The following KANSL3 variants were observed in gnomAD, a reference collection of about 807,000 sequenced individuals.
The protein encoded by KANSL3 is NSL complex protein NSL3.
KANSL3 carries 16 observed loss-of-function variants against 89.2 expected under a neutral mutation model. That is an observed-to-expected ratio of 0.18 (90% CI 0.12 to 0.27). The LOEUF is 0.27. KANSL3 is among the 10% of genes least tolerant of loss of function. The probability of loss-of-function intolerance (pLI) is 1.00; values close to 1 mark genes in which losing one functional copy is unlikely to be tolerated. For synonymous variants in KANSL3, 385 were observed against 419.7 expected (o/e 0.92, Z 1.01); for missense variants, 879 against 1,110.6 (o/e 0.79, Z 2.96).
chr2:96,607,674 C>G (rs950859393), intron 14 of KANSL3, among the ~76,000 whole-genome samples: 2 of 152,190 alleles, frequency 1.3e-5, no homozygotes, highest in African/African-American at 4.8e-5. Context: ...TAAGCAAACT[C>G]ACAAGAGGTC....
chr2:96,609,312 TC>T (rs571533094), intron 12 of KANSL3, among the ~76,000 whole-genome samples, 186 bp downstream of exon 12: 1 of 152,014 alleles, frequency 6.6e-6, no homozygotes, highest in African/African-American at 2.4e-5. Flanking sequence ...TCCAACACTC[TC>T]CCCCGTGATG....
chr2:96,583,904 A>C, the KANSL3 span, among the ~76,000 whole-genome samples: 1 of 152,214 alleles, frequency 6.6e-6, no homozygotes, highest in African/African-American at 2.4e-5. Context: ...AATTTTAGCC[A>C]TTCTAGTGAG....
chr2:96,634,913 G>A (rs1279227534), intron 2 of KANSL3, among the ~76,000 whole-genome samples: 1 of 152,158 alleles, frequency 6.6e-6, no homozygotes, highest in Non-Finnish European at 1.5e-5. Flanking sequence ...CCAGAAATCT[G>A]TCATCCTAAT....
intron 3 of KANSL3, chr2:96,627,882 T>C: frequency 7.8e-7 from 1 of 1,284,338 alleles, no homozygotes; most frequent in Non-Finnish European, 1.0e-6. Flanking sequence ...TAATAAGTTA[T>C]CATAAATAAT....
chr2:96,636,780 T>A, intron 2 of KANSL3, 141 bp downstream of exon 2: 1 of 687,514 alleles, frequency 1.5e-6, no homozygotes. Context: ...GCTATCCTTA[T>A]GCTGCTTAAG....
At chr2:96,623,378 C>G (rs555328985) in intron 3 of KANSL3, among the ~76,000 whole-genome samples, 28 of 152,276 alleles carry the variant, frequency 1.8e-4, no homozygotes, top group African/African-American at 6.3e-4. Context: ...CGTAAGAGAC[C>G]AGCATCCTTT....
intron 3 of KANSL3, among the ~76,000 whole-genome samples, chr2:96,630,211 A>G (rs2073133096): frequency 6.6e-6 from 1 of 152,216 alleles, no homozygotes; most frequent in Non-Finnish European, 1.5e-5. Flanking sequence ...CCACACAAAA[A>G]CTTGTATGCA....
chr2:96,593,496 G>C lies in KANSL3; in HGVS notation c.*2115C>G, dbSNP rs1479654528. On this transcript the variant is annotated 3_prime_UTR_variant, in exon 21 of 21. Coordinates refer to ENST00000431828, the MANE Select transcript of KANSL3 (RefSeq NM_001115016.3). Reference sequence around the variant, plus strand: ...GAAATATAGTTTGCGAAGGGAACTGGAAAACGTGACTCTAGGCCTCAGCCA... The same window carrying C: ...GAAATATAGTTTGCGAAGGGAACTGCAAAACGTGACTCTAGGCCTCAGCCA... 2.8e-6 allele frequency: 1 copy of C among 363,450 alleles called. No homozygotes were observed. Among genetic ancestry groups the C allele is most frequent in the East Asian group, 7.3e-5 (1 of 13,686 alleles). The allele number at this position is 363,450 out of a possible 1,614,324, so 22.5% of individuals were successfully genotyped here.
chr2:96,608,847 C>CT lies in KANSL3; in HGVS notation c.1584+16dup. On this transcript the variant is annotated intron_variant, in intron 13 of 20. Coordinates refer to ENST00000431828, the MANE Select transcript of KANSL3 (RefSeq NM_001115016.3). Reference sequence around the variant, plus strand: ...GCTGATTCCCCAGCAAAAGCGCTCCCTCCCTGCTCACACTACCTCTGAGCC... The same window carrying CT: ...GCTGATTCCCCAGCAAAAGCGCTCCCTTCCCTGCTCACACTACCTCTGAGCC... 6.4e-7 allele frequency: 1 copy of CT among 1,552,976 alleles called. No individual in the cohort carries two copies. The highest frequency in any genetic ancestry group is 1.2e-5 in the South Asian group (1 of 82,774).
Position 96,602,093 on chromosome 2 carries a change from C to T in KANSL3, c.2482+23G>A, listed in dbSNP as rs766645518. On this transcript the variant is annotated intron_variant, in intron 19 of 20. Transcript: ENST00000431828. ...GAAAGATCCCAGATCTGGGAGTCCCCACAGTTCTCATGAGAGACTCACCTG... is the reference window on the plus strand; with the variant it reads ...GAAAGATCCCAGATCTGGGAGTCCCTACAGTTCTCATGAGAGACTCACCTG... 5.2e-6 allele frequency: 8 copies of T among 1,547,192 alleles called. No homozygotes were observed. The Middle Eastern group carries it at 6.7e-4, about 130-fold the overall frequency.
chr2:96,633,568 CAA>C (rs749429125), intron 2 of KANSL3, among the ~76,000 whole-genome samples: 14 of 96,470 alleles, frequency 1.5e-4, no homozygotes, highest in East Asian at 3.1e-4. Flanking sequence ...GACTCTGTCT[CAA>C]AAAAAAAAAA....
chr2:96,619,231 C>A (rs2070787354), intron 5 of KANSL3, 128 bp downstream of exon 5: 8 of 771,614 alleles, frequency 1.0e-5, no homozygotes, highest in Non-Finnish European at 1.6e-5. Flanking sequence ...AATTTTAGTA[C>A]CAAACCCATT....
chr2:96,615,165 C>CA (rs35960339), intron 5 of KANSL3: 13,050 of 82,836 alleles, frequency 0.16, 1,324 homozygotes, highest in Non-Finnish European at 0.22. Context: ...GAGACTGTCT[C>CA]AAAAAAAAAA....
At chr2:96,611,950 CTAT>C (rs2069084101) in intron 9 of KANSL3, among the ~76,000 whole-genome samples, 1 of 44,578 alleles carries the variant, frequency 2.2e-5, no homozygotes, top group South Asian at 7.9e-4. Flanking sequence ...TGTGAAAATG[CTAT>C]TATATTTGGG....
rs931766665 is a variant in KANSL3 at position 96,637,019 on chromosome 2, A to G, written c.117T>C (p.His39=). 3.9e-6 allele frequency: 6 copies of G among 1,551,544 alleles called. No homozygotes were observed. Among genetic ancestry groups the G allele is most frequent in the Non-Finnish European group, 5.2e-6 (6 of 1,147,004 alleles). ...GGGCACTCCAAGGCTTGGCATAGCT[A>G]TGATCCAGAAAAACCAGGTCCAGCT... ...ERELDLVFLD[H]SYAKPWSAHP... Residue 39 remains histidine (H), a synonymous_variant, in exon 2 of 21, where the codon CAT becomes CAC. Coordinates refer to ENST00000431828, the MANE Select transcript of KANSL3 (RefSeq NM_001115016.3).
At chr2:96,636,765 AGC>A in intron 2 of KANSL3, 154 bp downstream of exon 2, 1 of 590,634 alleles carries the variant, frequency 1.7e-6, no homozygotes, top group Non-Finnish European at 2.8e-6. Context: ...GCCACATTCA[AGC>A]CTGCTATCCT....
intron 2 of KANSL3, among the ~76,000 whole-genome samples, chr2:96,635,489 G>C (rs1488404466): frequency 6.6e-6 from 1 of 152,164 alleles, no homozygotes; most frequent in Non-Finnish European, 1.5e-5. Context: ...TTTAATGTCA[G>C]CAAGAAGCTA....
chr2:96,618,927 G>T (rs1198510622), intron 5 of KANSL3, among the ~76,000 whole-genome samples: 1 of 152,212 alleles, frequency 6.6e-6, no homozygotes, highest in Non-Finnish European at 1.5e-5. Flanking sequence ...GCTACTAAAG[G>T]CTCATGCCCT....
chr2:96,629,046 C>T (rs1466772783), intron 3 of KANSL3, among the ~76,000 whole-genome samples: 1 of 152,166 alleles, frequency 6.6e-6, no homozygotes, highest in Admixed American at 6.6e-5. Flanking sequence ...TCAGTTTCTT[C>T]ATCCTGTTGA....
Sources: gnomAD v4.1 joint callset for allele counts (sites outside exome capture counted in the v4.1 genomes callset) on GRCh38, gnomAD v4.1.1 for gene constraint, MANE v1.5 for transcripts, NCBI Gene and HGNC (gene_info 2026-07-23, HGNC 2026-07-21) for gene names.